CDKAL1: variants seen among roughly 807,000 people sequenced by gnomAD.
CDKAL1 encodes CDKAL1 threonylcarbamoyladenosine tRNA methylthiotransferase.
Under a neutral mutation model 68.2 loss-of-function variants are expected in CDKAL1, and 32 were observed. The ratio of observed to expected loss-of-function variants is 0.47; its 90% confidence interval spans 0.35 to 0.63. CDKAL1 has a LOEUF of 0.63. Ranked by LOEUF, CDKAL1 falls within the 30% of genes least tolerant of loss-of-function variation. The probability of loss-of-function intolerance (pLI) is 0.00; values close to 1 mark genes in which losing one functional copy is unlikely to be tolerated. For missense variants in CDKAL1, 606 were observed against 696.7 expected (o/e 0.87, Z 1.47); for synonymous variants, 234 against 244.3 (o/e 0.96, Z 0.39).
At chr6:21,176,846 C>T (rs535644697) in intron 13 of CDKAL1, among the ~76,000 whole-genome samples, 1 of 143,876 alleles carries the variant, frequency 7.0e-6, no homozygotes, top group South Asian at 2.2e-4. Context: ...AGGCGCCTGC[C>T]ACAGTGCCCA....
chr6:20,583,253 T>C (rs940464968), intron 4 of CDKAL1, among the ~76,000 whole-genome samples: 2 of 152,186 alleles, frequency 1.3e-5, no homozygotes, highest in Non-Finnish European at 2.9e-5. Flanking sequence ...CATTTTCATA[T>C]TTCTGTTTTC....
chr6:20,643,046 A>G (rs180991876), intron 4 of CDKAL1, among the ~76,000 whole-genome samples: 16 of 152,338 alleles, frequency 1.1e-4, no homozygotes, highest in African/African-American at 3.8e-4. Context: ...GGCATTGGCA[A>G]TATTTAGCTT....
At position 20,955,446 on chromosome 6, in the gene CDKAL1, G is replaced by A; in HGVS notation, c.770G>A (p.Ser257Asn). The A allele has an allele frequency of 6.2e-7, 1 of 1,614,170 alleles. No individual in the cohort carries two copies. Among genetic ancestry groups the A allele is most frequent in the Middle Eastern group, 1.7e-4 (1 of 6,056 alleles). Residue 257 changes from serine to asparagine, a missense_variant, in exon 10 of 16, where the codon AGT (serine) becomes AAT (asparagine). Transcript: ENST00000274695. ...QEGVCEIWLT[S>N]EDTGAYGRDI... ...GGTGTTTGTGAGATATGGTTGACCA[G>A]TGAAGACACGGGGGCTTATGGCAGA...
chr6:21,165,803 G>A (rs1777127121), intron 13 of CDKAL1, among the ~76,000 whole-genome samples: 1 of 152,174 alleles, frequency 6.6e-6, no homozygotes, highest in African/African-American at 2.4e-5. Flanking sequence ...CATCCTATGA[G>A]CGTGCTGACT....
At chr6:20,743,925 T>C (rs1346248063) in intron 6 of CDKAL1, among the ~76,000 whole-genome samples, 1 of 152,234 alleles carries the variant, frequency 6.6e-6, no homozygotes, top group Non-Finnish European at 1.5e-5. Context: ...TCACAAGATA[T>C]GAAACTATCT....
At position 21,083,162 on chromosome 6, in the gene CDKAL1, G is replaced by A. The variant is rs144172537; in HGVS notation, c.1236+17934G>A. On this transcript the variant is annotated intron_variant, in intron 12 of 15. Coordinates refer to ENST00000274695, the MANE Select transcript of CDKAL1 (RefSeq NM_017774.3). ...ATTACAGGTGTGAGCCACCATGCCC[G>A]GTCTCATTTATGTTTCATATATACC... Among the ~76,000 whole-genome samples the A allele has an allele frequency of 1.2e-3, 176 of 152,044 alleles. 1 individual carries two copies. Among genetic ancestry groups the A allele is most frequent in the Middle Eastern group, 3.4e-3 (1 of 294 alleles).
intron 9 of CDKAL1, among the ~76,000 whole-genome samples, chr6:20,936,643 T>C (rs1763732008): frequency 6.6e-6 from 1 of 152,170 alleles, no homozygotes; most frequent in Non-Finnish European, 1.5e-5. Flanking sequence ...ATGGCAGTAC[T>C]ATGACACGCT....
intron 8 of CDKAL1, among the ~76,000 whole-genome samples, chr6:20,834,670 A>T (rs763829198): frequency 6.6e-6 from 1 of 152,270 alleles, no homozygotes; most frequent in South Asian, 2.1e-4. Context: ...TAGGCAACAC[A>T]TTTCATCATT....
chr6:20,644,402 G>T (rs1261740359), intron 4 of CDKAL1, among the ~76,000 whole-genome samples: 1 of 152,150 alleles, frequency 6.6e-6, no homozygotes. Flanking sequence ...TCCTGGCCAG[G>T]CGTGGTGGCT....
At chr6:20,796,474 T>A (rs1776114108) in intron 8 of CDKAL1, among the ~76,000 whole-genome samples, 1 of 152,136 alleles carries the variant, frequency 6.6e-6, no homozygotes, top group Non-Finnish European at 1.5e-5. Context: ...CTTGTAGAAG[T>A]GGAGAAATGG....
chr6:20,838,969 CATCTCAA>C (rs1301787080), intron 8 of CDKAL1, among the ~76,000 whole-genome samples: 1 of 146,174 alleles, frequency 6.8e-6, no homozygotes, highest in Non-Finnish European at 1.5e-5. Context: ...AGCGAGACTC[CATCTCAA>C]AAAAAAAAAA....
At chr6:20,758,261 T>A (rs1324942348) in intron 6 of CDKAL1, among the ~76,000 whole-genome samples, 1 of 152,186 alleles carries the variant, frequency 6.6e-6, no homozygotes, top group African/African-American at 2.4e-5. Flanking sequence ...TGAAGCTCTG[T>A]GTGAGAAGAC....
intron 4 of CDKAL1, among the ~76,000 whole-genome samples, chr6:20,592,136 G>T (rs1441293671): frequency 5.9e-5 from 9 of 152,154 alleles, no homozygotes. Context: ...TGTAGCAATT[G>T]TGAATGGGAG....
chr6:20,989,155 T>A (rs754899358), intron 10 of CDKAL1, among the ~76,000 whole-genome samples: 4 of 152,024 alleles, frequency 2.6e-5, no homozygotes, highest in Non-Finnish European at 4.4e-5. Context: ...AAAATACCTA[T>A]GTCATAGCAT....
chr6:21,229,326 G>T (rs1315982619), intron 15 of CDKAL1, among the ~76,000 whole-genome samples: 3 of 152,044 alleles, frequency 2.0e-5, no homozygotes, highest in Non-Finnish European at 4.4e-5. Flanking sequence ...AAAGTCTGTT[G>T]TTCCCTCTGC....
intron 13 of CDKAL1, among the ~76,000 whole-genome samples, chr6:21,176,684 TTTTTTTTTTTTG>T (rs1404017724): frequency 1.5e-5 from 2 of 133,038 alleles, no homozygotes; most frequent in South Asian, 2.2e-4. Context: ...GGATGTTGGT[TTTTTTTTTTTTG>T]TTTTTTTTTT....
chr6:20,852,075 A>G (rs1759044909), intron 9 of CDKAL1, among the ~76,000 whole-genome samples: 1 of 152,144 alleles, frequency 6.6e-6, no homozygotes, highest in Admixed American at 6.5e-5. Context: ...TGTAGGATTA[A>G]TGATGCAATT....
intron 13 of CDKAL1, among the ~76,000 whole-genome samples, chr6:21,141,450 C>T (rs961744125): frequency 3.3e-5 from 5 of 152,210 alleles, no homozygotes; most frequent in African/African-American, 1.2e-4. Context: ...ACTTTCATGT[C>T]CTCCCACTAG....
chr6:20,950,282 G>C (rs963618824), intron 9 of CDKAL1, among the ~76,000 whole-genome samples: 4 of 151,892 alleles, frequency 2.6e-5, no homozygotes, highest in Admixed American at 2.6e-4. Flanking sequence ...GTGCCACCAC[G>C]CCCGGCTAAT....
Sources: allele counts gnomAD v4.1 joint callset (sites outside exome capture counted in the v4.1 genomes callset), GRCh38; gene constraint gnomAD v4.1.1; transcripts MANE v1.5; gene names NCBI Gene and HGNC (gene_info 2026-07-23, HGNC 2026-07-21).